ADGRV1: variants seen among roughly 807,000 people sequenced by gnomAD.
ADGRV1 encodes adhesion G protein-coupled receptor V1.
In ADGRV1, 359 loss-of-function variants were observed where a neutral mutation model predicts 596.2. The observed-to-expected ratio is 0.60, with a 90% confidence interval of 0.55 to 0.66. ADGRV1 has a LOEUF of 0.66. Among genes scored for constraint, ADGRV1 ranks in the 30% least tolerant of loss-of-function variants. ADGRV1 has a pLI of 0.00. For synonymous variants in ADGRV1, 2,681 were observed against 2,679.2 expected (o/e 1.00, Z -0.02); for missense variants, 7,274 against 7,575.6 (o/e 0.96, Z 1.48).
intron 68 of ADGRV1, 86 bp downstream of exon 68, chr5:90,788,396 C>G (rs564420564): frequency 7.9e-6 from 10 of 1,271,710 alleles, no homozygotes; most frequent in Non-Finnish European, 1.1e-5. Context: ...ACTCTATAAG[C>G]TTGTGATAAA....
intron 85 of ADGRV1, among the ~76,000 whole-genome samples, chr5:90,990,576 G>A (rs763249502): frequency 1.3e-5 from 2 of 152,290 alleles, no homozygotes; most frequent in East Asian, 1.9e-4. Flanking sequence ...CTCTCCCACC[G>A]CTCACCTCCT....
chr5:90,623,794 C>T (rs1462936207), intron 5 of ADGRV1, among the ~76,000 whole-genome samples: 1 of 152,086 alleles, frequency 6.6e-6, no homozygotes, highest in Non-Finnish European at 1.5e-5. Context: ...ATAAATGTTA[C>T]AGGATGTGGC....
chr5:91,034,195 G>A (rs1027925954), intron 85 of ADGRV1, among the ~76,000 whole-genome samples: 47 of 152,068 alleles, frequency 3.1e-4, no homozygotes, highest in Admixed American at 1.3e-3. Context: ...TAGGCGGGGA[G>A]GTTACCTAAG....
chr5:90,910,019 T>C (rs1472805638), intron 83 of ADGRV1, among the ~76,000 whole-genome samples: 2 of 152,266 alleles, frequency 1.3e-5, no homozygotes, highest in African/African-American at 4.8e-5. Context: ...GAACTCCGCG[T>C]CCTGGAGGCG....
chr5:90,588,565 G>C (rs1179994656), intron 1 of ADGRV1, among the ~76,000 whole-genome samples: 1 of 152,208 alleles, frequency 6.6e-6, no homozygotes, highest in Admixed American at 6.5e-5. Flanking sequence ...GTCCCATGAC[G>C]TAGAGGTCAG....
intron 77 of ADGRV1, among the ~76,000 whole-genome samples, chr5:90,831,062 C>T (rs1305285202): frequency 6.6e-6 from 1 of 152,132 alleles, no homozygotes; most frequent in Non-Finnish European, 1.5e-5. Context: ...ACGGGAACTA[C>T]ACCATTGGTT....
At chr5:90,751,638 G>T (rs1445323607) in intron 53 of ADGRV1, among the ~76,000 whole-genome samples, 1 of 152,100 alleles carries the variant, frequency 6.6e-6, no homozygotes, top group African/African-American at 2.4e-5. Context: ...TGTCTTCTTG[G>T]CTTGCCTTTG....
intron 75 of ADGRV1, 33 bp downstream of exon 75, chr5:90,815,769 C>T: frequency 8.9e-7 from 1 of 1,117,502 alleles, no homozygotes. Context: ...GAAGACGTAA[C>T]ATTCTGTGTG....
intron 87 of ADGRV1, among the ~76,000 whole-genome samples, chr5:91,105,995 T>TAAA: frequency 6.6e-6 from 1 of 151,378 alleles, no homozygotes; most frequent in African/African-American, 2.4e-5. Context: ...ATATTTAATA[T>TAAA]CCTTTTATAT....
chr5:91,015,425 C>T (rs1009916886), intron 85 of ADGRV1, among the ~76,000 whole-genome samples: 8 of 151,822 alleles, frequency 5.3e-5, no homozygotes, highest in Admixed American at 1.3e-4. Context: ...GTTCAGGTCC[C>T]GAATATCTTT....
At chr5:90,584,178 A>G (rs1236582441) in intron 1 of ADGRV1, among the ~76,000 whole-genome samples, 1 of 152,230 alleles carries the variant, frequency 6.6e-6, no homozygotes. Flanking sequence ...CAGTTAAAAC[A>G]GCATGTAGTG....
chr5:91,115,418 C>A (rs1442993912), intron 87 of ADGRV1, among the ~76,000 whole-genome samples: 1 of 152,154 alleles, frequency 6.6e-6, no homozygotes, highest in Admixed American at 6.5e-5. Flanking sequence ...AAGGCATATA[C>A]TCCTGGGCCG....
intron 83 of ADGRV1, among the ~76,000 whole-genome samples, chr5:90,865,459 C>G (rs1421982589): frequency 6.6e-6 from 1 of 151,726 alleles, no homozygotes; most frequent in Non-Finnish European, 1.5e-5. Flanking sequence ...AAAGACAAAA[C>G]CAGGATTTCT....
chr5:90,721,617 T>TG (rs1427421214), intron 45 of ADGRV1, among the ~76,000 whole-genome samples: 1 of 144,352 alleles, frequency 6.9e-6, no homozygotes. Context: ...ATGCCAGGCA[T>TG]GGCACTGAAC....
Position 90,759,632 on chromosome 5 carries a change from T to G in ADGRV1, c.12120+44T>G, listed in dbSNP as rs749816805. ...GGGAAAGCCTTGTTTCAGGCTAGCG[T>G]TTCATGTAATTTTGAGTAGAAAGTG... On this transcript the variant is annotated intron_variant, in intron 58 of 89. Coordinates refer to ENST00000405460, the MANE Select transcript of ADGRV1 (RefSeq NM_032119.4). The G allele has an allele frequency of 3.2e-6, 5 of 1,542,710 alleles. No homozygotes were observed. The African/African-American group carries it at 5.4e-5, about 17-fold the overall frequency.
chr5:90,770,756 A>T (rs1232304158), intron 59 of ADGRV1, among the ~76,000 whole-genome samples: 1 of 152,202 alleles, frequency 6.6e-6, no homozygotes, highest in Non-Finnish European at 1.5e-5. Flanking sequence ...ATGTAGAAAA[A>T]TGAGTAAAAT....
chr5:90,602,538 G>T (rs1761542895), intron 1 of ADGRV1, among the ~76,000 whole-genome samples: 1 of 152,124 alleles, frequency 6.6e-6, no homozygotes, highest in Admixed American at 6.5e-5. Context: ...TCATGAGAAA[G>T]TTATCAGACA....
chr5:90,978,218 C>A (rs1407463001), intron 84 of ADGRV1, among the ~76,000 whole-genome samples: 1 of 151,904 alleles, frequency 6.6e-6, no homozygotes, highest in South Asian at 2.1e-4. Context: ...TGGCGTGAAC[C>A]CGGGAGGCGG....
chr5:90,654,861 A>G (rs1301760720), intron 20 of ADGRV1: 1 of 152,134 alleles, frequency 6.6e-6, no homozygotes, highest in South Asian at 2.1e-4. Context: ...GTGAATACCT[A>G]CAAGTATCTG....
Sources: allele counts gnomAD v4.1 joint callset (sites outside exome capture counted in the v4.1 genomes callset), GRCh38; gene constraint gnomAD v4.1.1; transcripts MANE v1.5; gene names NCBI Gene and HGNC (gene_info 2026-07-23, HGNC 2026-07-21).